ZGRF1: variants seen among roughly 807,000 people sequenced by gnomAD.
ZGRF1 encodes the protein 5'-3' DNA helicase ZGRF1.
In ZGRF1, 196 loss-of-function variants were observed where a neutral mutation model predicts 203.5. The ratio of observed to expected loss-of-function variants is 0.96; its 90% CI spans 0.86 to 1.08. The LOEUF is 1.08. Ranked by LOEUF, ZGRF1 falls within the 50% of genes least tolerant of loss-of-function variation. The pLI is 0.00. For missense variants in ZGRF1, 2,326 were observed against 2,416.3 expected (o/e 0.96, Z 0.78); for synonymous variants, 809 against 841.3 (o/e 0.96, Z 0.66).
At chr4:112,630,843 T>G (rs1275258068) in intron 3 of ZGRF1, among the ~76,000 whole-genome samples, 1 of 150,130 alleles carries the variant, frequency 6.7e-6, no homozygotes, top group Admixed American at 6.7e-5. Flanking sequence ...GCCGAGATCA[T>G]GCCACTGCAC....
rs549576156 is a variant in ZGRF1 at position 112,561,094 on chromosome 4, C to G, written c.4698-99G>C. ...CTTAGCCATCACTTTGTAAGCATTA[C>G]AGAGAACAGTTTTTTATGGAAATAA... is the stretch of plus-strand genomic sequence containing the variant. On this transcript the variant is annotated intron_variant, in intron 18 of 27. Coordinates refer to ENST00000505019, the MANE Select transcript of ZGRF1 (RefSeq NM_018392.5). 31 of 928,434 alleles carry G rather than the reference C, an allele frequency of 3.3e-5. No individual in the cohort carries two copies. In the African/African-American group the frequency reaches 4.5e-4, roughly 13 times the overall value. 57.5% of individuals were successfully genotyped at this position (928,434 alleles called of 1,614,324 possible). A position where few individuals can be genotyped will look rare whatever the true frequency, so the allele number is the denominator to read the frequency against.
At chr4:112,615,154 A>G (rs1253434915) in intron 6 of ZGRF1, among the ~76,000 whole-genome samples, 3 of 152,176 alleles carry the variant, frequency 2.0e-5, no homozygotes, top group East Asian at 3.9e-4. Context: ...GTGACTTCAC[A>G]GAACTACTGC....
chr4:112,598,459 T>C (rs1483423082), intron 10 of ZGRF1, among the ~76,000 whole-genome samples: 1 of 146,784 alleles, frequency 6.8e-6, no homozygotes, highest in African/African-American at 2.5e-5. Context: ...ACGAAAACAT[T>C]GAATATATAT....
At chr4:112,583,932 T>C in intron 15 of ZGRF1, 46 bp downstream of exon 15, 1 of 1,234,560 alleles carries the variant, frequency 8.1e-7, no homozygotes. Flanking sequence ...AAGGCTGTTG[T>C]TCTCTTATAT....
At chr4:112,559,197 TTTTTG>T (rs1250973490) in intron 19 of ZGRF1, among the ~76,000 whole-genome samples, 2 of 152,166 alleles carry the variant, frequency 1.3e-5, no homozygotes, top group African/African-American at 4.8e-5. Flanking sequence ...TGGTTGTTTT[TTTTTG>T]TTTTGTTTTG....
rs752834115 is a variant in ZGRF1 at position 112,618,781 on chromosome 4, T to C, written c.1261A>G (p.Ser421Gly). 1 of 1,612,152 alleles carries C rather than the reference T, an allele frequency of 6.2e-7. No individual in the cohort carries two copies. The highest frequency in any genetic ancestry group is 8.5e-7 in the Non-Finnish European group (1 of 1,179,548). The change falls in exon 6 of 28, where the codon AGT becomes GGT. Residue 421 changes from serine to glycine, a missense_variant. By Grantham distance (56) the Ser-to-Gly change is moderately conservative. Coordinates refer to ENST00000505019, the MANE Select transcript of ZGRF1 (RefSeq NM_018392.5). ...GATAATATACCATCATTTTCTGCAC[T>C]GCTACAAGTAACCTGTAAGCTACTG... ...ESSSLQVTCS[S>G]AENDGILSES...
At chr4:112,559,591 A>G (rs779057288) in intron 19 of ZGRF1, among the ~76,000 whole-genome samples, 3 of 152,228 alleles carry the variant, frequency 2.0e-5, no homozygotes, top group Non-Finnish European at 4.4e-5. Context: ...AAGTTGTGTG[A>G]GATAATTACA....
At chr4:112,601,395 T>C (rs1364544674) in intron 10 of ZGRF1, among the ~76,000 whole-genome samples, 2 of 151,868 alleles carry the variant, frequency 1.3e-5, no homozygotes, top group Non-Finnish European at 2.9e-5. Context: ...GTTCTAAATG[T>C]ATATGCAACC....
Position 112,602,530 on chromosome 4 carries a change from A to G in ZGRF1, c.2976+994T>C, listed in dbSNP as rs1750141683. 2.6e-5 allele frequency among the ~76,000 whole-genome samples: 4 copies of G among 152,252 alleles called. No homozygotes were observed. In the South Asian group the frequency reaches 8.3e-4, roughly 31 times the overall value. On this transcript the variant is annotated intron_variant, in intron 10 of 27. Transcript: ENST00000505019. ...CCAGTGACTCAATGATGCTACTCCTAGGTAATATAACCAACATAAGTATGT... is the reference window on the plus strand; with the variant it reads ...CCAGTGACTCAATGATGCTACTCCTGGGTAATATAACCAACATAAGTATGT...
At chr4:112,562,524 T>C (rs1455642437) in intron 17 of ZGRF1, 39 bp from the exon 18 acceptor site, 1 of 1,225,320 alleles carries the variant, frequency 8.2e-7, no homozygotes, top group Admixed American at 2.0e-5. Context: ...TTGATGTAAA[T>C]AAAATGGACC....
At chr4:112,581,081 C>G (rs1237523948) in intron 16 of ZGRF1, among the ~76,000 whole-genome samples, 1 of 152,022 alleles carries the variant, frequency 6.6e-6, no homozygotes, top group South Asian at 2.1e-4. Context: ...ATATACACCA[C>G]GGAGTACTAT....
chr4:112,586,211 G>A (rs901846619), intron 13 of ZGRF1, among the ~76,000 whole-genome samples: 57 of 150,800 alleles, frequency 3.8e-4, no homozygotes, highest in African/African-American at 1.4e-3. Flanking sequence ...CTGCACTCCA[G>A]CCTGGGCAAC....
intron 16 of ZGRF1, among the ~76,000 whole-genome samples, chr4:112,568,974 C>A (rs1578308432): frequency 6.6e-6 from 1 of 152,054 alleles, no homozygotes; most frequent in African/African-American, 2.4e-5. Flanking sequence ...TGAGATCACG[C>A]CACTGCACTC....
chr4:112,541,258 G>T lies in ZGRF1; in HGVS notation c.5609C>A (p.Pro1870Gln). ...ACGGTATTGAGTTCTCAATAGAATT[G>T]GCTTGTGACCCTAAGAAATTTAAAT... ...FDRLCLMGHK[P>Q]ILLRTQYRCH... The change falls in exon 25 of 28, where the codon CCA becomes CAA. Residue 1870 changes from proline (P) to glutamine (Q), a missense_variant. Coordinates refer to ENST00000505019, the MANE Select transcript of ZGRF1 (RefSeq NM_018392.5). 1 of 1,546,652 alleles carries T rather than the reference G, an allele frequency of 6.5e-7. No homozygotes were observed. Among genetic ancestry groups the T allele is most frequent in the South Asian group, 1.3e-5 (1 of 78,854 alleles).
Position 112,579,815 on chromosome 4 carries a change from A to C in ZGRF1, c.4438+1848T>G, listed in dbSNP as rs528221691. ...AGAACATTCCAAGCTCATGGGTAGGAAGAATCAATATTGTGAAAACGGCCA... is the reference window on the plus strand; with the variant it reads ...AGAACATTCCAAGCTCATGGGTAGGCAGAATCAATATTGTGAAAACGGCCA... On this transcript the variant is annotated intron_variant, in intron 16 of 27. Transcript: ENST00000505019. Among the ~76,000 whole-genome samples, 44 of 122,074 alleles carry C rather than the reference A, an allele frequency of 3.6e-4. 13 individuals carry two copies. Among genetic ancestry groups the C allele is most frequent in the African/African-American group, 1.1e-3 (38 of 35,224 alleles). The allele number at this position is 122,074 out of a possible 152,430, so 80.1% of individuals were successfully genotyped here. A position where few individuals can be genotyped will look rare whatever the true frequency, so the allele number is the denominator to read the frequency against.
intron 16 of ZGRF1, among the ~76,000 whole-genome samples, chr4:112,580,928 G>C (rs1182564267): frequency 6.6e-6 from 1 of 152,066 alleles, no homozygotes; most frequent in African/African-American, 2.4e-5. Flanking sequence ...CCATTACTGG[G>C]TATATACCCA....
chr4:112,633,051 T>G, intron 2 of ZGRF1, 105 bp downstream of exon 2: 1 of 1,039,992 alleles, frequency 9.6e-7, no homozygotes, highest in East Asian at 2.4e-5. Flanking sequence ...TTTTGTTTTG[T>G]TTTTGCTAAA....
At chr4:112,559,975 A>G (rs978924637) in intron 19 of ZGRF1, among the ~76,000 whole-genome samples, 5 of 152,210 alleles carry the variant, frequency 3.3e-5, no homozygotes, top group African/African-American at 1.2e-4. Flanking sequence ...ATGGCGGGAG[A>G]TGAATAGTGA....
At chr4:112,608,777 T>C (rs1291791379) in intron 8 of ZGRF1, among the ~76,000 whole-genome samples, 2 of 152,208 alleles carry the variant, frequency 1.3e-5, no homozygotes, top group Non-Finnish European at 2.9e-5. Flanking sequence ...GTAGCCATAA[T>C]ACAGGTGTTT....
Sources: gnomAD v4.1 joint callset for allele counts (sites outside exome capture counted in the v4.1 genomes callset) on GRCh38, gnomAD v4.1.1 for gene constraint, MANE v1.5 for transcripts, NCBI Gene and HGNC (gene_info 2026-07-23, HGNC 2026-07-21) for gene names.